ROBO2: variants seen among roughly 807,000 people sequenced by gnomAD.
ROBO2 encodes roundabout homolog 2.
Under a neutral mutation model 160.8 loss-of-function variants are expected in ROBO2, and 53 were observed. That is an observed-to-expected ratio of 0.33 (90% CI 0.26 to 0.41). The LOEUF is 0.41. Among genes scored for constraint, ROBO2 ranks in the 10% least tolerant of loss-of-function variants. The probability of loss-of-function intolerance (pLI) is 1.00; values close to 1 mark genes in which losing one functional copy is unlikely to be tolerated. For missense variants in ROBO2, 1,577 were observed against 1,722.4 expected (o/e 0.92, Z 1.49); for synonymous variants, 664 against 611.7 (o/e 1.09, Z -1.26).
intron 2 of ROBO2, among the ~76,000 whole-genome samples, chr3:76,565,474 T>A (rs1179881020): frequency 6.6e-6 from 1 of 152,194 alleles, no homozygotes; most frequent in Non-Finnish European, 1.5e-5. Flanking sequence ...TTTTATGGCG[T>A]CAAGTTTAGT....
chr3:76,681,678 G>A (rs957386979), intron 2 of ROBO2, among the ~76,000 whole-genome samples: 1 of 152,196 alleles, frequency 6.6e-6, no homozygotes, highest in Non-Finnish European at 1.5e-5. Context: ...GAGCAGACAA[G>A]AGAGTATGGA....
chr3:77,173,584 A>G (rs1463926295), intron 2 of ROBO2, among the ~76,000 whole-genome samples: 2 of 151,894 alleles, frequency 1.3e-5, no homozygotes, highest in African/African-American at 2.4e-5. Context: ...ACCTTTTATG[A>G]CCCGCAATTT....
intron 2 of ROBO2, among the ~76,000 whole-genome samples, chr3:77,229,677 A>AAG (rs554556423): frequency 0.027 from 4,086 of 151,228 alleles, 61 homozygotes; most frequent in Middle Eastern, 0.054. Flanking sequence ...AAAAAAAAAA[A>AAG]AGAGAGAGAA....
At chr3:76,673,707 A>C (rs1647421939) in intron 2 of ROBO2, among the ~76,000 whole-genome samples, 1 of 152,156 alleles carries the variant, frequency 6.6e-6, no homozygotes, top group Non-Finnish European at 1.5e-5. Flanking sequence ...TTCTAGGACC[A>C]ATAGGATCGT....
At chr3:76,050,557 A>T (rs1243453297) in intron 2 of ROBO2, among the ~76,000 whole-genome samples, 2 of 152,126 alleles carry the variant, frequency 1.3e-5, no homozygotes, top group Non-Finnish European at 2.9e-5. Context: ...GAGAACCCTG[A>T]CTAATACATC....
At chr3:77,621,568 C>T (rs890540897) in intron 22 of ROBO2, among the ~76,000 whole-genome samples, 21 of 151,998 alleles carry the variant, frequency 1.4e-4, no homozygotes, top group Non-Finnish European at 2.4e-4. Context: ...ACAGAGAATC[C>T]TTAGATGAAT....
At chr3:77,038,953 C>T (rs945596641), upstream of ROBO2, among the ~76,000 whole-genome samples, 1 of 152,214 alleles carries the variant, frequency 6.6e-6, no homozygotes, top group Non-Finnish European at 1.5e-5. Flanking sequence ...AGGGTAAAGA[C>T]TTCGGGGATC....
At chr3:77,640,096 C>CTTTTTTTTTTTTTTT (rs1559785171) in intron 24 of ROBO2, among the ~76,000 whole-genome samples, 38 of 97,480 alleles carry the variant, frequency 3.9e-4, no homozygotes, top group Non-Finnish European at 4.7e-4. Flanking sequence ...GCAGAGGAAG[C>CTTTTTTTTTTTTTTT]ATTTTTTTTT....
At chr3:77,017,218 T>C (rs975301252) in intron 2 of ROBO2, among the ~76,000 whole-genome samples, 1 of 152,214 alleles carries the variant, frequency 6.6e-6, no homozygotes, top group African/African-American at 2.4e-5. Flanking sequence ...TCTAATTTTA[T>C]AAACTGCAAG....
At chr3:75,911,559 T>TTTC (rs1946585188) in intron 1 of ROBO2, among the ~76,000 whole-genome samples, 1 of 129,426 alleles carries the variant, frequency 7.7e-6, no homozygotes, top group Non-Finnish European at 1.6e-5. Context: ...TTTCTTTTTT[T>TTTC]TTTTTTTTTT....
chr3:77,393,649 A>T (rs2074976027), intron 2 of ROBO2, among the ~76,000 whole-genome samples: 1 of 150,116 alleles, frequency 6.7e-6, no homozygotes, highest in Non-Finnish European at 1.5e-5. Flanking sequence ...CTACTTTGCA[A>T]AGACAACTTC....
At chr3:76,837,191 C>A (rs766915546) in intron 2 of ROBO2, among the ~76,000 whole-genome samples, 1 of 151,824 alleles carries the variant, frequency 6.6e-6, no homozygotes, top group Non-Finnish European at 1.5e-5. Context: ...AAGGAACAGT[C>A]AGTTTAAGAA....
In ROBO2 at chr3:77,040,331, A is replaced by G. The variant is rs1254143464; in HGVS notation, c.-455A>G. The G allele has an allele frequency of 6.0e-6, 6 of 995,580 alleles. No individual in the cohort carries two copies. In the African/African-American group the frequency reaches 8.7e-5, roughly 14 times the overall value. The allele number at this position is 995,580 out of a possible 1,614,324, so 61.7% of individuals were successfully genotyped here. ...GCTACGGAGAAGGAAACCGGGGGAA[A>G]GAAAACCAGTAGGCAGGCCAATGGT... is the stretch of plus-strand genomic sequence containing the variant. On this transcript the variant is annotated 5_prime_UTR_variant, in exon 1 of 26. Transcript: ENST00000461745.
chr3:77,319,273 A>C (rs550022540), intron 2 of ROBO2, among the ~76,000 whole-genome samples: 3 of 152,316 alleles, frequency 2.0e-5, no homozygotes, highest in African/African-American at 7.2e-5. Flanking sequence ...AACTTTGGAT[A>C]AAGAATTAAT....
intron 2 of ROBO2, among the ~76,000 whole-genome samples, chr3:76,218,001 G>T (rs1251841254): frequency 6.6e-6 from 1 of 152,186 alleles, no homozygotes; most frequent in Non-Finnish European, 1.5e-5. Context: ...TGCAAGGCTG[G>T]TTCAACATAC....
intron 2 of ROBO2, among the ~76,000 whole-genome samples, chr3:77,437,478 A>T (rs891628927): frequency 6.6e-6 from 1 of 151,972 alleles, no homozygotes; most frequent in African/African-American, 2.4e-5. Flanking sequence ...TACATTATAG[A>T]TAATACATAG....
At chr3:77,498,841 T>A (rs2087151020) in intron 5 of ROBO2, among the ~76,000 whole-genome samples, 1 of 152,144 alleles carries the variant, frequency 6.6e-6, no homozygotes, top group Non-Finnish European at 1.5e-5. Flanking sequence ...ATAACCACAC[T>A]GATTAGGTTG....
intron 2 of ROBO2, among the ~76,000 whole-genome samples, chr3:77,350,358 A>G (rs2068189039): frequency 6.6e-6 from 1 of 152,126 alleles, no homozygotes; most frequent in South Asian, 2.1e-4. Context: ...CCTGTCTTGA[A>G]GTAAATATAC....
intron 2 of ROBO2, among the ~76,000 whole-genome samples, chr3:77,277,212 C>CTTGTCTTTCTTTCT: frequency 1.2e-5 from 1 of 80,054 alleles, no homozygotes; most frequent in Non-Finnish European, 2.5e-5. Flanking sequence ...TTCTTTCTTT[C>CTTGTCTTTCTTTCT]TTCTTTCTTT....
Sources: gnomAD v4.1 joint callset for allele counts (sites outside exome capture counted in the v4.1 genomes callset) on GRCh38, gnomAD v4.1.1 for gene constraint, MANE v1.5 for transcripts, NCBI Gene and HGNC (gene_info 2026-07-23, HGNC 2026-07-21) for gene names.